TMEM177: variants seen among roughly 807,000 people sequenced by gnomAD.
The protein encoded by TMEM177 is transmembrane protein 177.
Under a neutral mutation model 14.2 loss-of-function variants are expected in TMEM177, and 4 were observed. The ratio of observed to expected loss-of-function variants is 0.28; its 90% CI spans 0.14 to 0.64. TMEM177 has a LOEUF of 0.64. Among genes scored for constraint, TMEM177 ranks in the 30% least tolerant of loss-of-function variants. TMEM177 has a pLI of 0.82. For missense variants in TMEM177, 344 were observed against 405.2 expected, an observed-to-expected ratio of 0.85 and a Z score of 1.30; for synonymous variants, 179 against 174.5, an observed-to-expected ratio of 1.03 and a Z score of -0.20.
downstream of TMEM177, among the ~76,000 whole-genome samples, chr2:119,682,538 G>A (rs533591565): frequency 3.3e-5 from 5 of 152,260 alleles, no homozygotes; most frequent in South Asian, 4.2e-4. Context: ...TCAAGGTCCC[G>A]TGGATGCAGA....
chr2:119,679,232 G>T lies in TMEM177; in HGVS notation c.-67G>T, dbSNP rs1574264947. 4 of 152,268 alleles carry T rather than the reference G, an allele frequency of 2.6e-5. No individual in the cohort carries two copies. The highest frequency in any genetic ancestry group is 7.2e-5 in the African/African-American group (3 of 41,458). 9.4% of individuals were successfully genotyped at this position (152,268 alleles called of 1,614,324 possible). On this transcript the variant is annotated 5_prime_UTR_variant, in exon 1 of 2. Coordinates refer to ENST00000272521, the MANE Select transcript of TMEM177 (RefSeq NM_030577.3). ...GTTCCGAGCGGCGGCGGAGGTGAGCGCACGGACGAGCGGGAGGGACCCTTC... is the reference window on the plus strand; with the variant it reads ...GTTCCGAGCGGCGGCGGAGGTGAGCTCACGGACGAGCGGGAGGGACCCTTC...
At chr2:119,697,655 C>A in the TMEM177 span, among the ~76,000 whole-genome samples, 1 of 152,170 alleles carries the variant, frequency 6.6e-6, no homozygotes, top group Non-Finnish European at 1.5e-5. Context: ...GAAAACTACT[C>A]GATTCCTCAC....
chr2:119,719,634 GCAGT>G, the TMEM177 span, among the ~76,000 whole-genome samples: 1 of 152,248 alleles, frequency 6.6e-6, no homozygotes, highest in East Asian at 1.9e-4. Context: ...CAGAATAGTG[GCAGT>G]CAGCTTACAA....
rs574915971 is a variant in TMEM177 at position 119,680,236 on chromosome 2, G to A, written c.-22-596G>A. On this transcript the variant is annotated intron_variant, in intron 1 of 1. Coordinates refer to ENST00000272521, the MANE Select transcript of TMEM177 (RefSeq NM_030577.3). Reference sequence around the variant, plus strand: ...GGTTAGGACTTAAATATATGAACTGGGGAGGAGGAGGAGACACAGTGCAGC... The same window carrying A: ...GGTTAGGACTTAAATATATGAACTGAGGAGGAGGAGGAGACACAGTGCAGC... Among the ~76,000 whole-genome samples, 50 of 152,298 alleles carry A rather than the reference G, an allele frequency of 3.3e-4. 1 individual carries two copies. Among genetic ancestry groups the A allele is most frequent in the Admixed American group, 2.7e-3 (42 of 15,296 alleles).
At chr2:119,694,264 A>G in the TMEM177 span, among the ~76,000 whole-genome samples, 1 of 140,442 alleles carries the variant, frequency 7.1e-6, no homozygotes, top group African/African-American at 2.7e-5. Context: ...GCAACATACT[A>G]CACCTGTGTG....
chr2:119,697,694 T>A, the TMEM177 span, among the ~76,000 whole-genome samples: 2 of 152,138 alleles, frequency 1.3e-5, no homozygotes, highest in Non-Finnish European at 2.9e-5. Flanking sequence ...CTGTCGTGGC[T>A]CCCTCAGCTT....
the TMEM177 span, among the ~76,000 whole-genome samples, chr2:119,693,427 C>T: frequency 6.6e-6 from 1 of 152,112 alleles, no homozygotes; most frequent in South Asian, 2.1e-4. Context: ...AAAACTTCCT[C>T]CGAGAGGAAG....
chr2:119,718,925 C>T, the TMEM177 span, among the ~76,000 whole-genome samples: 15 of 152,186 alleles, frequency 9.9e-5, no homozygotes, highest in East Asian at 1.9e-4. Context: ...GTTTCTCGAA[C>T]TTTAACGTGT....
At position 119,680,946 on chromosome 2, in the gene TMEM177, A is replaced by G. The variant is rs1329707846; in HGVS notation, c.93A>G (p.Pro31=). ...CCTGTGCAGGCCTGTTTGGAGTTCC[A>G]ATCTCGTACCACCTCTTCCCGGATC... ...VGSCAGLFGV[P]ISYHLFPDPV... Residue 31 remains proline, a synonymous_variant, in exon 2 of 2, where the codon CCA becomes CCG. Transcript: ENST00000272521. The G allele has an allele frequency of 6.2e-7, 1 of 1,614,180 alleles. No homozygotes were observed. Among genetic ancestry groups the G allele is most frequent in the Admixed American group, 1.7e-5 (1 of 60,024 alleles).
chr2:119,696,276 C>A, the TMEM177 span, among the ~76,000 whole-genome samples: 1 of 151,972 alleles, frequency 6.6e-6, no homozygotes, highest in Non-Finnish European at 1.5e-5. Flanking sequence ...AGCTGGGTGG[C>A]AGCTGTTGAG....
the TMEM177 span, among the ~76,000 whole-genome samples, chr2:119,720,159 T>G: frequency 6.6e-6 from 1 of 152,032 alleles, no homozygotes; most frequent in African/African-American, 2.4e-5. Context: ...ATATCAAAAT[T>G]TTAAATAAAC....
chr2:119,690,080 T>A (rs1558691834), downstream of TMEM177, among the ~76,000 whole-genome samples: 2 of 152,162 alleles, frequency 1.3e-5, no homozygotes, highest in Non-Finnish European at 2.9e-5. Context: ...TGAATCTGTG[T>A]CCCCAACCAA....
At chr2:119,718,632 A>G in the TMEM177 span, among the ~76,000 whole-genome samples, 4 of 152,226 alleles carry the variant, frequency 2.6e-5, no homozygotes, top group East Asian at 1.9e-4. Context: ...CTAGGTCCGC[A>G]TCCAGTGTGT....
At chr2:119,689,481 C>A (rs1689063789), downstream of TMEM177, among the ~76,000 whole-genome samples, 1 of 152,216 alleles carries the variant, frequency 6.6e-6, no homozygotes, top group Non-Finnish European at 1.5e-5. Flanking sequence ...AAGTCAACAA[C>A]AATAATACCA....
the TMEM177 span, among the ~76,000 whole-genome samples, chr2:119,701,320 G>C: frequency 6.6e-6 from 1 of 152,238 alleles, no homozygotes; most frequent in Admixed American, 6.5e-5. Context: ...GAGCAAAAGA[G>C]AGGAAGTTGA....
downstream of TMEM177, chr2:119,685,906 C>T: frequency 1.7e-6 from 1 of 577,132 alleles, no homozygotes; most frequent in Non-Finnish European, 3.1e-6. Flanking sequence ...AAAAAATAGT[C>T]ACTGAGCAGA....
chr2:119,719,664 G>A, the TMEM177 span, among the ~76,000 whole-genome samples: 1 of 152,190 alleles, frequency 6.6e-6, no homozygotes, highest in African/African-American at 2.4e-5. Context: ...AAGGGAAACA[G>A]CTGAGGTCTC....
At chr2:119,705,990 A>ATATATATTATATATTATATAT in the TMEM177 span, among the ~76,000 whole-genome samples, 1 of 14,606 alleles carries the variant, frequency 6.8e-5, no homozygotes, top group Non-Finnish European at 2.5e-4. Flanking sequence ...CTCTCTATAT[A>ATATATATTATATATTATATAT]TATATATTAT....
chr2:119,696,510 G>A, the TMEM177 span, among the ~76,000 whole-genome samples: 1 of 152,114 alleles, frequency 6.6e-6, no homozygotes, highest in Admixed American at 6.5e-5. Context: ...AAATCACAAT[G>A]GATAAAAATG....
Sources: allele counts gnomAD v4.1 joint callset (sites outside exome capture counted in the v4.1 genomes callset), GRCh38; gene constraint gnomAD v4.1.1; transcripts MANE v1.5; gene names NCBI Gene and HGNC (gene_info 2026-07-23, HGNC 2026-07-21).